The following TNRC6B variants were observed in gnomAD, a reference collection of about 807,000 sequenced individuals.
TNRC6B encodes the protein trinucleotide repeat containing adaptor 6B, also known as trinucleotide repeat-containing gene 6B protein.
In TNRC6B, 52 loss-of-function variants were observed where a neutral mutation model predicts 203.6. The observed-to-expected ratio is 0.26, with a 90% CI of 0.20 to 0.32. The LOEUF is 0.32. TNRC6B is among the 10% of genes least tolerant of loss of function. TNRC6B has a pLI of 1.00. For missense variants in TNRC6B, 1,923 were observed against 2,286.2 expected (o/e 0.84, Z 3.24); for synonymous variants, 838 against 845.7 (o/e 0.99, Z 0.16).
At chr22:40,077,210 T>C (rs2146286036) in intron 1 of TNRC6B, among the ~76,000 whole-genome samples, 1 of 152,140 alleles carries the variant, frequency 6.6e-6, no homozygotes, top group South Asian at 2.1e-4. Context: ...GCTCCTCTGA[T>C]TATTTCGCTC....
At chr22:40,219,416 C>G (rs1011967950) in intron 1 of TNRC6B, among the ~76,000 whole-genome samples, 1 of 151,750 alleles carries the variant, frequency 6.6e-6, no homozygotes, top group African/African-American at 2.4e-5. Flanking sequence ...AGGAGGCCAG[C>G]AGGAGGGTGG....
At chr22:40,180,048 GA>G (rs1201665865) in intron 1 of TNRC6B, among the ~76,000 whole-genome samples, 1 of 152,150 alleles carries the variant, frequency 6.6e-6, no homozygotes, top group Admixed American at 6.5e-5. Flanking sequence ...AGAAGGATTG[GA>G]AACATTACAT....
chr22:40,220,667 C>T (rs1188900714), intron 1 of TNRC6B, among the ~76,000 whole-genome samples: 1 of 152,182 alleles, frequency 6.6e-6, no homozygotes, highest in African/African-American at 2.4e-5. Context: ...CATCTCCTTT[C>T]ACCTTTGTTT....
At chr22:40,264,312 G>A (rs1158829802) in intron 4 of TNRC6B, among the ~76,000 whole-genome samples, 1 of 152,176 alleles carries the variant, frequency 6.6e-6, no homozygotes, top group Non-Finnish European at 1.5e-5. Flanking sequence ...TCTCCATACA[G>A]CAGTGATATA....
At chr22:40,303,015 G>A (rs2071043353) in intron 15 of TNRC6B, among the ~76,000 whole-genome samples, 2 of 144,162 alleles carry the variant, frequency 1.4e-5, no homozygotes, top group South Asian at 4.6e-4. Flanking sequence ...TCCTTATGCT[G>A]TATTTCCTTC....
At chr22:40,089,750 A>G (rs935025929) in intron 1 of TNRC6B, among the ~76,000 whole-genome samples, 3 of 152,184 alleles carry the variant, frequency 2.0e-5, no homozygotes, top group African/African-American at 7.2e-5. Context: ...GGTGTTGCAC[A>G]TTCTATGGGT....
intron 1 of TNRC6B, among the ~76,000 whole-genome samples, chr22:40,240,884 A>G (rs1339771374): frequency 1.3e-5 from 2 of 152,152 alleles, no homozygotes; most frequent in African/African-American, 4.8e-5. Context: ...GTGCAGTGGC[A>G]TGATTATGAC....
intron 6 of TNRC6B, 30 bp from the exon 7 acceptor site, chr22:40,273,394 TG>T: frequency 1.3e-6 from 2 of 1,549,882 alleles, no homozygotes; most frequent in South Asian, 2.5e-5. Context: ...ATATAGCTGT[TG>T]CAAAGAGTTA....
At chr22:40,189,941 A>G (rs1422208200) in intron 1 of TNRC6B, among the ~76,000 whole-genome samples, 1 of 152,262 alleles carries the variant, frequency 6.6e-6, no homozygotes, top group African/African-American at 2.4e-5. Flanking sequence ...GAACAGTCTC[A>G]GAATAAGAGC....
At chr22:40,179,281 T>A (rs962798393) in intron 1 of TNRC6B, among the ~76,000 whole-genome samples, 4 of 152,180 alleles carry the variant, frequency 2.6e-5, no homozygotes, top group Non-Finnish European at 5.9e-5. Flanking sequence ...ATGTAATGCT[T>A]CTCGGTCTGG....
chr22:40,316,358 A>C (rs2071259286), intron 21 of TNRC6B, among the ~76,000 whole-genome samples: 1 of 151,490 alleles, frequency 6.6e-6, no homozygotes, highest in Non-Finnish European at 1.5e-5. Flanking sequence ...CATCTCAAAA[A>C]AAAAAACAAA....
rs571524137 is a variant in TNRC6B, at chr22:40,294,588, GCTAA to G, written c.3709-5864_3709-5861del. On this transcript the variant is annotated intron_variant, in intron 12 of 22. Coordinates refer to ENST00000454349, the MANE Select transcript of TNRC6B (RefSeq NM_001162501.2). Reference sequence around the variant, plus strand: ...CAACACTATGTTACCAAATACAGTCGCTAACTGAGATGAATTTAGGATTCACACT... The same window carrying G: ...CAACACTATGTTACCAAATACAGTCGCTGAGATGAATTTAGGATTCACACT... Among the ~76,000 whole-genome samples the G allele has an allele frequency of 2.6e-5, 4 of 152,300 alleles. No individual in the cohort carries two copies. In the South Asian group the frequency reaches 8.3e-4, roughly 32 times the overall value.
rs1195018753 is a variant in TNRC6B, at chr22:40,246,159, C to A, written c.93+57C>A. ...TCTGCTAGGCATCCAGCATCCAGAA[C>A]AAGAAACTGTCTTGGCTTGAATATC... On this transcript the variant is annotated intron_variant, in intron 2 of 22. Coordinates refer to ENST00000454349, the MANE Select transcript of TNRC6B (RefSeq NM_001162501.2). 16 of 1,338,304 alleles carry A rather than the reference C, an allele frequency of 1.2e-5. No individual in the cohort carries two copies. In the East Asian group the frequency reaches 3.1e-4, roughly 26 times the overall value. 82.9% of individuals were successfully genotyped at this position (1,338,304 alleles called of 1,614,324 possible). A position where few individuals can be genotyped will look rare whatever the true frequency, so the allele number is the denominator to read the frequency against.
intron 1 of TNRC6B, among the ~76,000 whole-genome samples, chr22:40,094,058 G>A (rs1321621641): frequency 1.3e-5 from 2 of 151,922 alleles, no homozygotes; most frequent in African/African-American, 2.4e-5. Flanking sequence ...AACATCACAT[G>A]TACCACGTAA....
chr22:40,232,313 G>A (rs2069883261), intron 1 of TNRC6B, among the ~76,000 whole-genome samples: 2 of 152,200 alleles, frequency 1.3e-5, no homozygotes, highest in Non-Finnish European at 1.5e-5. Context: ...ACATGTTTAA[G>A]GGATAATGAT....
chr22:40,143,524 C>G (rs969326659), intron 3 of TNRC6B, among the ~76,000 whole-genome samples: 4 of 152,136 alleles, frequency 2.6e-5, no homozygotes, highest in Non-Finnish European at 5.9e-5. Context: ...GAGTCTCGCT[C>G]TGTCACCCAG....
intron 1 of TNRC6B, among the ~76,000 whole-genome samples, chr22:40,099,815 A>T (rs1044836099): frequency 2.6e-5 from 4 of 152,046 alleles, no homozygotes; most frequent in Non-Finnish European, 5.9e-5. Flanking sequence ...CAGTGGTGCA[A>T]TCTCAGCTCA....
chr22:40,084,736 A>G (rs2068088176), intron 1 of TNRC6B, among the ~76,000 whole-genome samples: 1 of 152,210 alleles, frequency 6.6e-6, no homozygotes, highest in Admixed American at 6.5e-5. Flanking sequence ...GGAGGAGGCT[A>G]GGAAGGCTGG....
chr22:40,140,081 C>G (rs1316625069), intron 3 of TNRC6B, among the ~76,000 whole-genome samples: 2 of 152,162 alleles, frequency 1.3e-5, no homozygotes, highest in African/African-American at 2.4e-5. Context: ...AGCACCTTTT[C>G]CTCACTGAAT....
Sources: gnomAD v4.1 joint callset for allele counts (sites outside exome capture counted in the v4.1 genomes callset) on GRCh38, gnomAD v4.1.1 for gene constraint, MANE v1.5 for transcripts, NCBI Gene and HGNC (gene_info 2026-07-23, HGNC 2026-07-21) for gene names.